The following TSNARE1 variants were observed in gnomAD, a reference collection of about 807,000 sequenced individuals.
TSNARE1 encodes the protein t-SNARE domain containing 1.
A neutral mutation model predicts 62.0 loss-of-function variants in TSNARE1; 49 were observed. That is an observed-to-expected ratio of 0.79 (90% CI 0.63 to 1.00). TSNARE1 has a LOEUF of 1.00. TSNARE1 is among the 50% of genes least tolerant of loss of function. The pLI is 0.00. For missense variants in TSNARE1, 755 were observed against 700.1 expected, an observed-to-expected ratio of 1.08 and a Z score of -0.88; for synonymous variants, 328 against 294.4, an observed-to-expected ratio of 1.11 and a Z score of -1.17.
chr8:142,382,782 G>A (rs1008196533), intron 1 of TSNARE1, among the ~76,000 whole-genome samples: 9 of 152,386 alleles, frequency 5.9e-5, no homozygotes, highest in African/African-American at 2.2e-4. Context: ...AGGGCCAGTG[G>A]CCGTCACTTC....
intron 13 of TSNARE1, among the ~76,000 whole-genome samples, chr8:142,224,219 G>C (rs10102446): frequency 0.9 from 136,059 of 151,968 alleles, 60,982 homozygotes; most frequent in Non-Finnish European, 0.92. Flanking sequence ...GTGGGAAAAG[G>C]GGAGGCTCCA....
intron 1 of TSNARE1, among the ~76,000 whole-genome samples, chr8:142,385,002 T>G (rs1726098538): frequency 6.6e-6 from 1 of 151,736 alleles, no homozygotes; most frequent in South Asian, 2.1e-4. Flanking sequence ...AAAATCTGAT[T>G]TTAAAAGTAT....
intron 9 of TSNARE1, among the ~76,000 whole-genome samples, chr8:142,311,147 G>A (rs1827510914): frequency 6.6e-6 from 1 of 150,844 alleles, no homozygotes; most frequent in East Asian, 2.0e-4. Context: ...ACTGCACCCA[G>A]CCAAGGGTGG....
chr8:142,297,688 C>G (rs994967561), intron 10 of TSNARE1, among the ~76,000 whole-genome samples: 1 of 152,252 alleles, frequency 6.6e-6, no homozygotes, highest in Non-Finnish European at 1.5e-5. Flanking sequence ...AGCAATCGGG[C>G]CAGCAGGGCC....
intron 12 of TSNARE1, among the ~76,000 whole-genome samples, chr8:142,229,796 C>G (rs909043491): frequency 2.6e-5 from 4 of 152,096 alleles, no homozygotes; most frequent in African/African-American, 7.2e-5. Context: ...GAGCCAGGTT[C>G]AAAGGGAGAG....
At chr8:142,334,243 T>C (rs1831451645) in intron 4 of TSNARE1, among the ~76,000 whole-genome samples, 1 of 152,254 alleles carries the variant, frequency 6.6e-6, no homozygotes, top group Non-Finnish European at 1.5e-5. Context: ...CAAAATCTTC[T>C]ACCCCATGGC....
intron 9 of TSNARE1, among the ~76,000 whole-genome samples, chr8:142,313,763 CT>C (rs1302740771): frequency 2.0e-5 from 3 of 152,070 alleles, no homozygotes; most frequent in Admixed American, 2.0e-4. Flanking sequence ...ATGCATGTGC[CT>C]GTGTTTTTTG....
intron 12 of TSNARE1, among the ~76,000 whole-genome samples, chr8:142,250,617 G>A (rs1818116004): frequency 6.6e-6 from 1 of 152,214 alleles, no homozygotes; most frequent in South Asian, 2.1e-4. Flanking sequence ...CAGCGTTAAT[G>A]AGCCCTTGCT....
At chr8:142,331,214 A>C (rs1165494389) in intron 5 of TSNARE1, among the ~76,000 whole-genome samples, 2 of 152,182 alleles carry the variant, frequency 1.3e-5, no homozygotes, top group Non-Finnish European at 2.9e-5. Context: ...CATGCAGCTC[A>C]GGGGCTCTGA....
intron 2 of TSNARE1, among the ~76,000 whole-genome samples, chr8:142,352,948 C>G (rs897664286): frequency 6.6e-6 from 1 of 152,196 alleles, no homozygotes; most frequent in Admixed American, 6.5e-5. Flanking sequence ...CCTGTGTCTA[C>G]TCAGCGTCCC....
intron 10 of TSNARE1, among the ~76,000 whole-genome samples, chr8:142,290,317 C>T (rs571913321): frequency 6.6e-5 from 10 of 152,254 alleles, no homozygotes; most frequent in Middle Eastern, 3.4e-3. Context: ...TACCCTGGCA[C>T]GGCAGCCAGA....
At chr8:142,299,689 C>T (rs915411084) in intron 10 of TSNARE1, among the ~76,000 whole-genome samples, 1 of 151,444 alleles carries the variant, frequency 6.6e-6, no homozygotes, top group Non-Finnish European at 1.5e-5. Flanking sequence ...ATGCATCACA[C>T]GCATGCACAC....
intron 11 of TSNARE1, chr8:142,276,399 G>C: frequency 5.1e-6 from 5 of 985,472 alleles, no homozygotes; most frequent in Non-Finnish European, 6.0e-6. Context: ...GGAGGGACCA[G>C]CCTGCCAGGG....
At chr8:142,271,228 G>A in intron 12 of TSNARE1, 2 of 1,007,170 alleles carry the variant, frequency 2.0e-6, no homozygotes, top group Non-Finnish European at 2.4e-6. Flanking sequence ...GTGAGGGTGA[G>A]GCTTCCCGGG....
chr8:142,286,524 C>T (rs1201273948), intron 10 of TSNARE1, among the ~76,000 whole-genome samples: 5 of 152,130 alleles, frequency 3.3e-5, no homozygotes, highest in African/African-American at 1.2e-4. Flanking sequence ...AAGGTGGGGC[C>T]CAGGGGTCAT....
At chr8:142,396,250 C>T (rs1383439102) in intron 1 of TSNARE1, among the ~76,000 whole-genome samples, 1 of 152,104 alleles carries the variant, frequency 6.6e-6, no homozygotes, top group African/African-American at 2.4e-5. Flanking sequence ...CACACACACA[C>T]GCACACACCC....
At chr8:142,255,887 CCACCACCACCACTGT>C (rs1818469115) in intron 12 of TSNARE1, among the ~76,000 whole-genome samples, 1 of 68,702 alleles carries the variant, frequency 1.5e-5, no homozygotes. Flanking sequence ...ACCATCACCA[CCACCACCACCACTGT>C]CACCATCACC....
chr8:142,253,084 T>G (rs1013238988), intron 12 of TSNARE1, among the ~76,000 whole-genome samples: 1 of 152,088 alleles, frequency 6.6e-6, no homozygotes, highest in Non-Finnish European at 1.5e-5. Context: ...CACTCCCGGG[T>G]GCAGTATCTG....
chr8:142,333,676 T>C (rs757872390), intron 4 of TSNARE1, among the ~76,000 whole-genome samples: 2 of 152,168 alleles, frequency 1.3e-5, no homozygotes, highest in Non-Finnish European at 2.9e-5. Context: ...TCCATCTGGG[T>C]GCACACAGGC....
Sources: gnomAD v4.1 joint callset for allele counts (sites outside exome capture counted in the v4.1 genomes callset) on GRCh38, gnomAD v4.1.1 for gene constraint, MANE v1.5 for transcripts, NCBI Gene and HGNC (gene_info 2026-07-23, HGNC 2026-07-21) for gene names.